The following SUSD6 variants were observed in gnomAD, a reference collection of about 807,000 sequenced individuals.
The protein encoded by SUSD6 is sushi domain containing 6.
Under a neutral mutation model 28.4 loss-of-function variants are expected in SUSD6, and 16 were observed. That is an observed-to-expected ratio of 0.56 (90% confidence interval 0.38 to 0.86). The LOEUF is 0.86. Among genes scored for constraint, SUSD6 ranks in the 40% least tolerant of loss-of-function variants. The probability of loss-of-function intolerance (pLI) is 0.00; values close to 1 mark genes in which losing one functional copy is unlikely to be tolerated. For missense variants in SUSD6, 341 were observed against 384.2 expected, an observed-to-expected ratio of 0.89 and a Z score of 0.94; for synonymous variants, 147 against 159.6, an observed-to-expected ratio of 0.92 and a Z score of 0.59.
At chr14:69,615,151 T>C (rs1884940700) in intron 1 of SUSD6, among the ~76,000 whole-genome samples, 1 of 152,214 alleles carries the variant, frequency 6.6e-6, no homozygotes. Flanking sequence ...CAGACTTGAA[T>C]GTTGAGGATT....
At chr14:69,683,897 G>A (rs1886033981) in intron 2 of SUSD6, among the ~76,000 whole-genome samples, 1 of 152,224 alleles carries the variant, frequency 6.6e-6, no homozygotes, top group African/African-American at 2.4e-5. Context: ...ACTGGGAGGG[G>A]AAAATGGCCT....
chr14:69,681,340 C>T (rs1419470889), intron 2 of SUSD6, among the ~76,000 whole-genome samples: 1 of 152,198 alleles, frequency 6.6e-6, no homozygotes, highest in East Asian at 1.9e-4. Flanking sequence ...CACACCTAGC[C>T]TCCTGCCTCC....
chr14:69,674,654 G>T (rs1250400290), intron 2 of SUSD6, among the ~76,000 whole-genome samples: 1 of 152,146 alleles, frequency 6.6e-6, no homozygotes, highest in Non-Finnish European at 1.5e-5. Flanking sequence ...CTGTTCTTCA[G>T]ATTGAATTTG....
rs778133602 is a variant in SUSD6 at position 69,703,381 on chromosome 14, C to G, written c.122-14C>G. ...CCTCACCACTGTACCCCTGCTCTCTCCCTGTCTTTGCAGTGTGCCCCCTAC... is the reference window on the plus strand; with the variant it reads ...CCTCACCACTGTACCCCTGCTCTCTGCCTGTCTTTGCAGTGTGCCCCCTAC... On this transcript the variant is annotated splice_polypyrimidine_tract_variant and intron_variant, in intron 2 of 5. Transcript: ENST00000342745. 3 of 1,610,270 alleles carry G rather than the reference C, an allele frequency of 1.9e-6. No homozygotes were observed. Among genetic ancestry groups the G allele is most frequent in the Non-Finnish European group, 2.5e-6 (3 of 1,177,690 alleles).
chr14:69,620,092 T>A (rs1464099176), intron 1 of SUSD6, among the ~76,000 whole-genome samples: 1 of 152,236 alleles, frequency 6.6e-6, no homozygotes, highest in Non-Finnish European at 1.5e-5. Flanking sequence ...GAGCCATTGC[T>A]AGAAAAGTAA....
intron 1 of SUSD6, among the ~76,000 whole-genome samples, chr14:69,653,335 C>T (rs1219538069): frequency 6.6e-6 from 1 of 152,162 alleles, no homozygotes; most frequent in Admixed American, 6.5e-5. Flanking sequence ...CTCTCCTTAC[C>T]TGTGTTTTGA....
At chr14:69,695,958 G>A (rs1039021965) in intron 2 of SUSD6, among the ~76,000 whole-genome samples, 15 of 152,128 alleles carry the variant, frequency 9.9e-5, no homozygotes, top group Non-Finnish European at 1.6e-4. Context: ...ACTTGCCTGG[G>A]AGGCTTTCTT....
intron 3 of SUSD6, 28 bp from the exon 4 acceptor site, chr14:69,704,576 C>A: frequency 6.2e-7 from 1 of 1,600,460 alleles, no homozygotes; most frequent in East Asian, 2.2e-5. Flanking sequence ...GGGTACAAAA[C>A]CCTTCTGATG....
chr14:69,653,746 A>AATTT (rs1885537738), intron 1 of SUSD6, among the ~76,000 whole-genome samples: 1 of 28,936 alleles, frequency 3.5e-5, no homozygotes, highest in Non-Finnish European at 8.2e-5. Flanking sequence ...ACCTAGTGAA[A>AATTT]CTTTTTTTTT....
chr14:69,713,842 T>TG lies in SUSD6; in HGVS notation c.*2863_*2864insG, dbSNP rs1886506457. 1 of 150,710 alleles carries TG rather than the reference T, an allele frequency of 6.6e-6. No homozygotes were observed. Among genetic ancestry groups the TG allele is most frequent in the Non-Finnish European group, 1.5e-5 (1 of 67,604 alleles). The allele number at this position is 150,710 out of a possible 1,614,324, so 9.3% of individuals were successfully genotyped here. On this transcript the variant is annotated 3_prime_UTR_variant, in exon 6 of 6. Coordinates refer to ENST00000342745, the MANE Select transcript of SUSD6 (RefSeq NM_014734.4). ...TTGTTTGTTGTTGGTGTTTGTTTTT[T>TG]TTTTTTTTTTTTTGGCACACTTGAG...
intron 2 of SUSD6, among the ~76,000 whole-genome samples, chr14:69,696,204 C>T (rs1886223325): frequency 6.6e-6 from 1 of 152,254 alleles, no homozygotes; most frequent in South Asian, 2.1e-4. Flanking sequence ...CTGGTGAATC[C>T]AGCCCTGCCA....
At chr14:69,638,354 A>G (rs1158749586) in intron 1 of SUSD6, among the ~76,000 whole-genome samples, 1 of 151,828 alleles carries the variant, frequency 6.6e-6, no homozygotes, top group Non-Finnish European at 1.5e-5. Context: ...GAAAGACGCA[A>G]AAAGGAAGTA....
chr14:69,708,511 G>A (rs993786913), intron 4 of SUSD6, among the ~76,000 whole-genome samples, 166 bp from the exon 5 acceptor site: 1 of 152,194 alleles, frequency 6.6e-6, no homozygotes, highest in Non-Finnish European at 1.5e-5. Flanking sequence ...CTACCTGAAA[G>A]GGCTCAGGTG....
intron 4 of SUSD6, among the ~76,000 whole-genome samples, chr14:69,707,809 G>A (rs960670622): frequency 1.3e-5 from 2 of 152,168 alleles, no homozygotes; most frequent in African/African-American, 4.8e-5. Flanking sequence ...CAGTGTTGAA[G>A]GATTCATGTT....
intron 2 of SUSD6, among the ~76,000 whole-genome samples, chr14:69,690,361 C>A (rs1334978914): frequency 2.0e-5 from 3 of 152,320 alleles, no homozygotes; most frequent in Admixed American, 2.0e-4. Context: ...AGTCCTAGAC[C>A]TTCAGGGCCA....
At chr14:69,674,693 A>G (rs1194628808) in intron 2 of SUSD6, among the ~76,000 whole-genome samples, 2 of 152,054 alleles carry the variant, frequency 1.3e-5, no homozygotes, top group African/African-American at 2.4e-5. Flanking sequence ...ATTTCCCACC[A>G]GAGCCTGATG....
At chr14:69,707,896 T>A (rs1230196467) in intron 4 of SUSD6, among the ~76,000 whole-genome samples, 1 of 152,204 alleles carries the variant, frequency 6.6e-6, no homozygotes, top group Non-Finnish European at 1.5e-5. Context: ...CTTTTTGTGG[T>A]GAGGCAATGG....
chr14:69,657,695 C>G (rs576003245), intron 1 of SUSD6, among the ~76,000 whole-genome samples: 1 of 152,224 alleles, frequency 6.6e-6, no homozygotes, highest in African/African-American at 2.4e-5. Flanking sequence ...AGGCCCACAC[C>G]ATAATGTATT....
At chr14:69,622,822 GACCACA>G (rs1403935789) in intron 1 of SUSD6, among the ~76,000 whole-genome samples, 1 of 152,284 alleles carries the variant, frequency 6.6e-6, no homozygotes, top group East Asian at 1.9e-4. Flanking sequence ...TCGAACTCCT[GACCACA>G]AGTGATCTGC....
Sources: gnomAD v4.1 joint callset for allele counts (sites outside exome capture counted in the v4.1 genomes callset) on GRCh38, gnomAD v4.1.1 for gene constraint, MANE v1.5 for transcripts, NCBI Gene and HGNC (gene_info 2026-07-23, HGNC 2026-07-21) for gene names.